Variants in BCAR3 observed in about 807,000 individuals in gnomAD.
BCAR3 encodes BCAR3 adaptor protein, NSP family member.
In BCAR3, 37 loss-of-function variants were observed where a neutral mutation model predicts 80.1. The observed-to-expected ratio is 0.46, with a 90% CI of 0.36 to 0.61. The LOEUF (loss-of-function observed/expected upper bound fraction) is 0.61, where lower values mean the gene tolerates loss of function less well. BCAR3 is among the 20% of genes least tolerant of loss of function. The probability of loss-of-function intolerance (pLI) is 0.00; values close to 1 mark genes in which losing one functional copy is unlikely to be tolerated. For missense variants in BCAR3, 978 were observed against 1,068.2 expected (o/e 0.92, Z 1.18); for synonymous variants, 389 against 418.9 (o/e 0.93, Z 0.87).
intron 2 of BCAR3, among the ~76,000 whole-genome samples, chr1:93,671,228 C>T (rs1409389264): frequency 1.3e-5 from 2 of 152,148 alleles, no homozygotes; most frequent in East Asian, 1.9e-4. Flanking sequence ...CTCCTGACCT[C>T]GTGATCTGTC....
Position 93,791,154 on chromosome 1 carries a change from T to C in BCAR3, c.-63+54413A>G, listed in dbSNP as rs1288403543. Among the ~76,000 whole-genome samples, 6 of 78,182 alleles carry C rather than the reference T, an allele frequency of 7.7e-5. 1 individual carries two copies. The highest frequency in any genetic ancestry group is 1.3e-4 in the Non-Finnish European group (6 of 45,104). 51.3% of individuals were successfully genotyped at this position (78,182 alleles called of 152,430 possible). On this transcript the variant is annotated intron_variant, in intron 2 of 13. Coordinates refer to the BCAR3 transcript ENST00000370244. ...TTTATAGCAGCATGATTTATAGTCA[T>C]TTGGGTATATACCCAGTATTGGGAT...
intron 2 of BCAR3, among the ~76,000 whole-genome samples, chr1:93,738,603 T>C (rs1207744796): frequency 6.6e-6 from 1 of 152,162 alleles, no homozygotes; most frequent in Non-Finnish European, 1.5e-5. Context: ...TAACAGCTTG[T>C]CTGTGAAGTC....
chr1:93,720,181 TC>T (rs1176610651), intron 2 of BCAR3: 1 of 152,170 alleles, frequency 6.6e-6, no homozygotes, highest in Non-Finnish European at 1.5e-5. Context: ...CACCTGTTTC[TC>T]CCCTGAAGTT....
At chr1:93,754,015 C>T (rs568298544) in intron 2 of BCAR3, 1 of 152,290 alleles carries the variant, frequency 6.6e-6, no homozygotes, top group African/African-American at 2.4e-5. Context: ...GCTCATCATT[C>T]GTCTTTCAAA....
At chr1:93,653,123 G>A (rs1449268002) in intron 2 of BCAR3, among the ~76,000 whole-genome samples, 1 of 152,196 alleles carries the variant, frequency 6.6e-6, no homozygotes, top group African/African-American at 2.4e-5. Flanking sequence ...TACAGATAGG[G>A]AAGGAAGGTT....
chr1:93,708,462 C>T (rs776866450), intron 2 of BCAR3, among the ~76,000 whole-genome samples: 2 of 152,208 alleles, frequency 1.3e-5, no homozygotes, highest in African/African-American at 2.4e-5. Flanking sequence ...ATCCAACCAA[C>T]AGTGTGGACA....
intron 3 of BCAR3, among the ~76,000 whole-genome samples, chr1:93,629,931 T>C (rs1463196272): frequency 6.6e-6 from 1 of 152,264 alleles, no homozygotes; most frequent in Non-Finnish European, 1.5e-5. Context: ...GGAACCTCTT[T>C]GCTGTTTTGC....
At chr1:93,571,947 T>G (rs1673236422) in intron 8 of BCAR3, 106 bp from the exon 9 acceptor site, 1 of 1,300,012 alleles carries the variant, frequency 7.7e-7, no homozygotes. Flanking sequence ...TTGCTCCTTT[T>G]GCTCTAAAAT....
At chr1:93,676,226 T>G (rs188797124) in intron 1 of BCAR3, among the ~76,000 whole-genome samples, 1 of 152,176 alleles carries the variant, frequency 6.6e-6, no homozygotes, top group Non-Finnish European at 1.5e-5. Context: ...ACTGCGGACT[T>G]GGGACGTGGT....
At chr1:93,814,599 C>T (rs575185271) in intron 2 of BCAR3, among the ~76,000 whole-genome samples, 18 of 152,338 alleles carry the variant, frequency 1.2e-4, no homozygotes, top group South Asian at 6.2e-4. Flanking sequence ...CTGGGCAGCC[C>T]TCATGGAGAA....
At chr1:93,584,270 G>A (rs945421098) in intron 5 of BCAR3, 149 bp from the exon 6 acceptor site, 2 of 661,594 alleles carry the variant, frequency 3.0e-6, no homozygotes, top group South Asian at 2.0e-5. Context: ...GTAAAGGAAT[G>A]ACCGCTGGAG....
chr1:93,563,778 T>A (rs1394768098), intron 11 of BCAR3, among the ~76,000 whole-genome samples: 1 of 152,150 alleles, frequency 6.6e-6, no homozygotes, highest in African/African-American at 2.4e-5. Context: ...CCACAACCTC[T>A]ACCTCTCGGG....
intron 2 of BCAR3, among the ~76,000 whole-genome samples, chr1:93,748,183 A>G (rs776514209): frequency 3.3e-5 from 5 of 152,202 alleles, no homozygotes; most frequent in Non-Finnish European, 5.9e-5. Context: ...GGGATTGAGC[A>G]TAGAGAGATA....
At chr1:93,729,490 C>T (rs1650709082) in intron 2 of BCAR3, among the ~76,000 whole-genome samples, 1 of 152,120 alleles carries the variant, frequency 6.6e-6, no homozygotes, top group South Asian at 2.1e-4. Flanking sequence ...GTAAGTTGAA[C>T]CATCATATGT....
intron 2 of BCAR3, among the ~76,000 whole-genome samples, chr1:93,805,214 T>C (rs1218008586): frequency 3.9e-5 from 6 of 152,194 alleles, no homozygotes; most frequent in Non-Finnish European, 8.8e-5. Flanking sequence ...AGGAATCTGC[T>C]TTATAGAGAT....
At chr1:93,699,283 G>C (rs1262627844) in intron 3 of BCAR3, among the ~76,000 whole-genome samples, 1 of 152,144 alleles carries the variant, frequency 6.6e-6, no homozygotes, top group Non-Finnish European at 1.5e-5. Context: ...TTTCCCTTCG[G>C]GGGAGAGAAA....
intron 5 of BCAR3, chr1:93,585,230 C>T (rs1047458214): frequency 2.8e-5 from 28 of 985,328 alleles, no homozygotes; most frequent in African/African-American, 2.1e-4. Context: ...GCAGGCCCGA[C>T]GTCAGGGCAG....
At chr1:93,706,901 G>C (rs1051157319) in intron 2 of BCAR3, among the ~76,000 whole-genome samples, 1 of 152,212 alleles carries the variant, frequency 6.6e-6, no homozygotes, top group Admixed American at 6.5e-5. Flanking sequence ...TTTAGGCCGG[G>C]CGCAGGGGCT....
intron 2 of BCAR3, among the ~76,000 whole-genome samples, chr1:93,666,983 T>C (rs1647948640): frequency 6.6e-6 from 1 of 152,162 alleles, no homozygotes; most frequent in African/African-American, 2.4e-5. Flanking sequence ...AATCCATCAG[T>C]CTGAGCCTCC....
Sources: allele counts gnomAD v4.1 joint callset (sites outside exome capture counted in the v4.1 genomes callset), GRCh38; gene constraint gnomAD v4.1.1; transcripts MANE v1.5; gene names NCBI Gene and HGNC (gene_info 2026-07-23, HGNC 2026-07-21).